The following CELA2B variants were observed in gnomAD, a reference collection of about 807,000 sequenced individuals.
CELA2B encodes chymotrypsin-like elastase family member 2B.
A neutral mutation model predicts 36.5 loss-of-function variants in CELA2B; 27 were observed. That is an observed-to-expected ratio of 0.74 (90% confidence interval 0.55 to 1.02). The LOEUF is 1.02. Ranked by LOEUF, CELA2B falls within the 50% of genes least tolerant of loss-of-function variation. The pLI is 0.00. For synonymous variants in CELA2B, 143 were observed against 148.5 expected (o/e 0.96, Z 0.27); for missense variants, 340 against 347.8 (o/e 0.98, Z 0.18).
rs138336343 is a variant in CELA2B, at chr1:15,482,250, A to C, written c.228-15A>C. ...CTCTGGAGGTGACCCTCTCCCTGGG[A>C]CCCCTTTCTCCCAGCTCCTCCGGGA... is the stretch of plus-strand genomic sequence containing the variant. On this transcript the variant is annotated splice_polypyrimidine_tract_variant and intron_variant, in intron 3 of 7. Transcript: ENST00000375910. The C allele has an allele frequency of 1.4e-3, 2,325 of 1,610,594 alleles. 25 individuals carry two copies. The East Asian group carries it at 0.021, about 14-fold the overall frequency.
rs142953514 is a variant in CELA2B, at chr1:15,486,383, G to T, written c.639+337G>T. On this transcript the variant is annotated intron_variant, in intron 6 of 7. Transcript: ENST00000375910. ...AGTCACAGCTACTTGGGAGGCTGAG[G>T]CAGGAGAATCACTTGAACCCAGAAG... Among the ~76,000 whole-genome samples the T allele has an allele frequency of 8.0e-3, 1,225 of 152,316 alleles. 17 individuals carry two copies. Among genetic ancestry groups the T allele is most frequent in the African/African-American group, 0.027 (1,121 of 41,576 alleles).
At position 15,476,247 on chromosome 1, in the gene CELA2B, C is replaced by T. The variant is rs1570805581; in HGVS notation, c.40+82C>T. 3.2e-6 allele frequency: 5 copies of T among 1,573,526 alleles called. No homozygotes were observed. In the African/African-American group the frequency reaches 4.1e-5, roughly 13 times the overall value. On this transcript the variant is annotated intron_variant, in intron 1 of 7. Transcript: ENST00000375910. ...GGATCTTCCTGTCCTCCCCTCTCGC[C>T]CCCACCCAACCCCTACTGCATTCAG... is the stretch of plus-strand genomic sequence containing the variant.
At chr1:15,479,208 C>T (rs1487836682) in intron 2 of CELA2B, among the ~76,000 whole-genome samples, 1 of 152,022 alleles carries the variant, frequency 6.6e-6, no homozygotes, top group Non-Finnish European at 1.5e-5. Flanking sequence ...CATCTAAGGC[C>T]CCTTAATGTC....
intron 6 of CELA2B, 35 bp downstream of exon 6, chr1:15,486,081 C>A (rs369557552): frequency 6.6e-5 from 106 of 1,601,710 alleles, no homozygotes; most frequent in Non-Finnish European, 8.1e-5. Flanking sequence ...CGCTCCATGA[C>A]AAAATGTGGC....
At chr1:15,489,366 C>G (rs1708843953) in intron 7 of CELA2B, among the ~76,000 whole-genome samples, 1 of 152,218 alleles carries the variant, frequency 6.6e-6, no homozygotes, top group African/African-American at 2.4e-5. Flanking sequence ...TGGGCAGAGG[C>G]CCTGTGTTCA....
At chr1:15,490,462 T>G (rs151067958) in intron 7 of CELA2B, among the ~76,000 whole-genome samples, 1 of 152,232 alleles carries the variant, frequency 6.6e-6, no homozygotes, top group African/African-American at 2.4e-5. Flanking sequence ...TTTTCACTCT[T>G]ACATTGTGCA....
chr1:15,489,638 T>C (rs147876434), intron 7 of CELA2B, among the ~76,000 whole-genome samples: 2 of 152,186 alleles, frequency 1.3e-5, no homozygotes, highest in Admixed American at 6.5e-5. Context: ...AAGCAAAAGA[T>C]AAGAGCAGAG....
At chr1:15,480,001 G>A (rs1708720391) in intron 2 of CELA2B, among the ~76,000 whole-genome samples, 1 of 152,108 alleles carries the variant, frequency 6.6e-6, no homozygotes, top group South Asian at 2.1e-4. Flanking sequence ...AACTGTAAAG[G>A]GGGAGCCACT....
chr1:15,483,411 G>A lies in CELA2B; in HGVS notation c.493+11G>A. The A allele has an allele frequency of 6.2e-7, 1 of 1,613,504 alleles. No homozygotes were observed. The highest frequency in any genetic ancestry group is 1.7e-5 in the Admixed American group (1 of 59,994). On this transcript the variant is annotated intron_variant, in intron 5 of 7. Coordinates refer to ENST00000375910, the MANE Select transcript of CELA2B (RefSeq NM_015849.3). ...GGGGAAGGCTGCAGAGTAAGTGGGA[G>A]CCAGGAGCCCCCAGGCCTGGGAGGG...
chr1:15,478,230 T>TATATATATATATATATATATATA, intron 2 of CELA2B, among the ~76,000 whole-genome samples: 1 of 147,650 alleles, frequency 6.8e-6, no homozygotes, highest in East Asian at 2.0e-4. Context: ...GGATATATAG[T>TATATATATATATATATATATATA]TTGTTTGTTT....
intron 5 of CELA2B, 114 bp downstream of exon 5, chr1:15,483,514 A>G: frequency 6.5e-7 from 1 of 1,532,804 alleles, no homozygotes; most frequent in Non-Finnish European, 8.9e-7. Flanking sequence ...TGCCTTGGAG[A>G]GACAGGATGG....
chr1:15,486,832 C>A (rs765826095), intron 6 of CELA2B, among the ~76,000 whole-genome samples: 29 of 152,154 alleles, frequency 1.9e-4, no homozygotes, highest in Non-Finnish European at 4.1e-4. Flanking sequence ...GGAAGGAGAT[C>A]CACACGCCCT....
At chr1:15,486,113 G>A in intron 6 of CELA2B, 67 bp downstream of exon 6, 1 of 1,577,260 alleles carries the variant, frequency 6.3e-7, no homozygotes, top group Non-Finnish European at 8.6e-7. Context: ...AGAGGCTATG[G>A]AAAACCATCC....
At chr1:15,483,080 T>C (rs1289235319) in intron 4 of CELA2B, among the ~76,000 whole-genome samples, 184 bp from the exon 5 acceptor site, 1 of 150,670 alleles carries the variant, frequency 6.6e-6, no homozygotes, top group African/African-American at 2.4e-5. Flanking sequence ...CATTACAGGC[T>C]GGCATTACAG....
chr1:15,482,115 A>G (rs542080873), intron 3 of CELA2B, 150 bp from the exon 4 acceptor site: 12 of 834,244 alleles, frequency 1.4e-5, no homozygotes, highest in African/African-American at 1.0e-4. Context: ...TTTAGGCCCT[A>G]TGATAACTAA....
At chr1:15,479,139 T>C (rs1398615694) in intron 2 of CELA2B, among the ~76,000 whole-genome samples, 1 of 152,218 alleles carries the variant, frequency 6.6e-6, no homozygotes, top group Non-Finnish European at 1.5e-5. Context: ...GGGGAGTAGA[T>C]ACTTTTCAGT....
At chr1:15,487,017 C>T (rs1047853376) in intron 6 of CELA2B, among the ~76,000 whole-genome samples, 3 of 152,164 alleles carry the variant, frequency 2.0e-5, no homozygotes, top group African/African-American at 4.8e-5. Flanking sequence ...TCTCCTCTTC[C>T]GTGGCCTGGG....
At chr1:15,483,526 A>C in intron 5 of CELA2B, 126 bp downstream of exon 5, 1 of 1,468,228 alleles carries the variant, frequency 6.8e-7, no homozygotes, top group Non-Finnish European at 9.3e-7. Flanking sequence ...ACAGGATGGC[A>C]TAGGCTGATG....
chr1:15,478,217 T>C (rs1339128125), intron 2 of CELA2B, among the ~76,000 whole-genome samples: 1 of 48,472 alleles, frequency 2.1e-5, no homozygotes, highest in South Asian at 5.3e-4. Flanking sequence ...TATATATATA[T>C]TGGGATATAT....
Sources: allele counts gnomAD v4.1 joint callset (sites outside exome capture counted in the v4.1 genomes callset), GRCh38; gene constraint gnomAD v4.1.1; transcripts MANE v1.5; gene names NCBI Gene and HGNC (gene_info 2026-07-23, HGNC 2026-07-21).